The following FAM20C variants were observed in gnomAD, a reference collection of about 807,000 sequenced individuals.
FAM20C encodes extracellular serine/threonine protein kinase FAM20C.
In FAM20C, 40 loss-of-function variants were observed where a neutral mutation model predicts 51.5. The observed-to-expected ratio is 0.78, with a 90% CI of 0.60 to 1.01. FAM20C has a LOEUF of 1.01. Among genes scored for constraint, FAM20C ranks in the 50% least tolerant of loss-of-function variants. FAM20C has a pLI of 0.00. For synonymous variants in FAM20C, 406 were observed against 380.6 expected (o/e 1.07, Z -0.78); for missense variants, 861 against 844.7 (o/e 1.02, Z -0.24).
chr7:231,446 G>A (rs558262949), intron 3 of FAM20C, among the ~76,000 whole-genome samples: 11 of 150,716 alleles, frequency 7.3e-5, no homozygotes, highest in South Asian at 6.4e-4. Flanking sequence ...GGAGGGCCCC[G>A]TGGGAGGAGG....
In FAM20C at chr7:192,670, C is replaced by A. The variant is rs1256522897; in HGVS notation, c.-530C>A. Among the ~76,000 whole-genome samples the A allele has an allele frequency of 6.7e-6, 1 of 149,654 alleles. No individual in the cohort carries two copies. Among genetic ancestry groups the A allele is most frequent in the East Asian group, 2.0e-4 (1 of 5,124 alleles). ...GCGCCCACCCCTTCCGCCCTTCGCC[C>A]CCCCCTTCCCCCCAGCCCCGGTCTC... On this transcript the variant is annotated 5_prime_UTR_variant, in exon 1 of 10. Transcript: ENST00000313766.
rs372006536 is a variant in FAM20C at position 210,003 on chromosome 7, G to A, written c.863+1027G>A. Among the ~76,000 whole-genome samples the A allele has an allele frequency of 5.9e-4, 90 of 152,250 alleles. 2 individuals are homozygous for A. Among genetic ancestry groups the A allele is most frequent in the African/African-American group, 1.9e-3 (81 of 41,560 alleles). On this transcript the variant is annotated intron_variant, in intron 3 of 9. Transcript: ENST00000313766. ...GACCCACGAGTCCTGCCTCAGACCC[G>A]GGGCTGCCGGGAGCCGGTGGATGAG...
Position 251,268 on chromosome 7 carries a change from A to ACGGCTGCACTGAGTGGCCGGG in FAM20C, c.1072+2839_1072+2840insGGCTGCACTGAGTGGCCGGGC, listed in dbSNP as rs1562396189. Among the ~76,000 whole-genome samples, 172 of 78,542 alleles carry ACGGCTGCACTGAGTGGCCGGG rather than the reference A, an allele frequency of 2.2e-3. 10 individuals are homozygous for ACGGCTGCACTGAGTGGCCGGG. Among genetic ancestry groups the ACGGCTGCACTGAGTGGCCGGG allele is most frequent in the East Asian group, 3.3e-3 (9 of 2,742 alleles). The allele number at this position is 78,542 out of a possible 152,430, so 51.5% of individuals were successfully genotyped here. On this transcript the variant is annotated intron_variant, in intron 5 of 9. Transcript: ENST00000313766. ...ACTGAGTGGCCGGGCACGGTGGCTCACACGCCTGCAATCCCAGTACTGGGA... is the reference window on the plus strand; with the variant it reads ...ACTGAGTGGCCGGGCACGGTGGCTCACGGCTGCACTGAGTGGCCGGGCACGCCTGCAATCCCAGTACTGGGA...
At chr7:223,322 C>T (rs895366373) in intron 3 of FAM20C, among the ~76,000 whole-genome samples, 1 of 152,150 alleles carries the variant, frequency 6.6e-6, no homozygotes, top group Non-Finnish European at 1.5e-5. Context: ...CGGGTGGGTG[C>T]TGAGTCTTAG....
intron 3 of FAM20C, among the ~76,000 whole-genome samples, chr7:231,346 G>A (rs1787666945): frequency 6.6e-6 from 1 of 152,182 alleles, no homozygotes; most frequent in Non-Finnish European, 1.5e-5. Context: ...CGCATCAGTG[G>A]GGCCCCATGG....
intron 5 of FAM20C, among the ~76,000 whole-genome samples, chr7:249,867 C>G (rs542555645): frequency 6.6e-6 from 1 of 152,316 alleles, no homozygotes; most frequent in East Asian, 1.9e-4. Flanking sequence ...GCTCACCTGG[C>G]TGAGCTCTGG....
At chr7:245,410 G>A (rs1050671630) in intron 3 of FAM20C, among the ~76,000 whole-genome samples, 3 of 151,624 alleles carry the variant, frequency 2.0e-5, no homozygotes, top group Admixed American at 6.6e-5. Context: ...ATCCTGGGAC[G>A]GGCTCTCCTT....
At chr7:257,799 CTGGGTGG>C (rs1788651975) in intron 8 of FAM20C, among the ~76,000 whole-genome samples, 4 of 116,200 alleles carry the variant, frequency 3.4e-5, no homozygotes, top group Admixed American at 8.1e-5. Context: ...TGGAGATGGG[CTGGGTGG>C]ACCCACTGCC....
chr7:260,196 C>CT lies in FAM20C; in HGVS notation c.*217dup, dbSNP rs1788825503. The CT allele has an allele frequency of 1.6e-6, 1 of 623,288 alleles. No homozygotes were observed. Among genetic ancestry groups the CT allele is most frequent in the African/African-American group, 1.9e-5 (1 of 53,836 alleles). 38.6% of individuals were successfully genotyped at this position (623,288 alleles called of 1,614,324 possible). A position where few individuals can be genotyped will look rare whatever the true frequency, so the allele number is the denominator to read the frequency against. Reference sequence around the variant, plus strand: ...GCTTGGGAAGGAAGCGCTGTCTGTGCTCACGGACAGAGGCGGCCGGCGCCG... The same window carrying CT: ...GCTTGGGAAGGAAGCGCTGTCTGTGCTTCACGGACAGAGGCGGCCGGCGCCG... On this transcript the variant is annotated 3_prime_UTR_variant, in exon 10 of 10. Transcript: ENST00000313766.
intron 3 of FAM20C, among the ~76,000 whole-genome samples, chr7:227,240 A>G (rs1787483107): frequency 1.3e-5 from 2 of 151,796 alleles, no homozygotes; most frequent in East Asian, 3.9e-4. Flanking sequence ...TCTAATTGTC[A>G]CGAAAGGGAG....
intron 3 of FAM20C, among the ~76,000 whole-genome samples, chr7:224,378 A>G (rs377314611): frequency 0.08 from 674 of 8,468 alleles, 67 homozygotes; most frequent in East Asian, 0.13. Flanking sequence ...TCACGGGGTC[A>G]CATGGCGGCT....
intron 3 of FAM20C, among the ~76,000 whole-genome samples, chr7:211,536 C>G (rs1202264993): frequency 7.9e-5 from 12 of 151,982 alleles, no homozygotes; most frequent in Admixed American, 7.9e-4. Flanking sequence ...GGTCCTGCAG[C>G]GGGCAGAGGT....
chr7:243,072 C>T (rs1788005410), intron 3 of FAM20C, among the ~76,000 whole-genome samples: 1 of 136,950 alleles, frequency 7.3e-6, no homozygotes, highest in South Asian at 2.3e-4. Context: ...ACCCGGGAGA[C>T]CTGTGCCACC....
rs777009380 is a variant in FAM20C at position 195,701 on chromosome 7, C to T, written c.753C>T (p.His251=). 6.8e-6 allele frequency: 11 copies of T among 1,609,858 alleles called. No individual in the cohort carries two copies. Among genetic ancestry groups the T allele is most frequent in the South Asian group, 4.4e-5 (4 of 90,526 alleles). ...ACCCGGCCATCGAGGCCCTGCTGCA[C>T]GACCTCAGCTCCCAGAGGATCACCA... ...RHNPAIEALL[H]DLSSQRITSV... The change falls in exon 2 of 10, where the codon CAC becomes CAT. Residue 251 remains histidine (H), a synonymous_variant. Transcript: ENST00000313766.
chr7:193,664 C>T lies in FAM20C; in HGVS notation c.465C>T (p.Gly155=). The change falls in exon 1 of 10, where the codon GGC becomes GGT. Residue 155 remains glycine, a synonymous_variant. Transcript: ENST00000313766. The stretch of plus-strand genomic sequence containing the variant: ...GGTCCGAGTCGCCCCCCGGCCCCGG[C>T]GGAGACGCCTCCCTCCTGGCCAGGC... ...PRRSESPPGP[G]GDASLLARLF... 6.5e-7 allele frequency: 1 copy of T among 1,541,612 alleles called. No individual in the cohort carries two copies.
At chr7:257,807 ACC>A (rs1788653537) in intron 8 of FAM20C, among the ~76,000 whole-genome samples, 1 of 131,548 alleles carries the variant, frequency 7.6e-6, no homozygotes, top group African/African-American at 2.9e-5. Context: ...GGCTGGGTGG[ACC>A]CACTGCCCGG....
intron 2 of FAM20C, among the ~76,000 whole-genome samples, chr7:202,818 C>G (rs1786196187): frequency 1.3e-5 from 2 of 152,052 alleles, no homozygotes; most frequent in South Asian, 4.1e-4. Context: ...GGGAATGGGG[C>G]CCGTGGACAT....
chr7:228,051 C>T (rs1787511918), intron 3 of FAM20C: 1 of 200,978 alleles, frequency 5.0e-6, no homozygotes, highest in Non-Finnish European at 1.0e-5. Context: ...CTAGGGTTCA[C>T]CTGAATGGTT....
chr7:242,422 G>A (rs941709105), intron 3 of FAM20C, among the ~76,000 whole-genome samples: 2 of 150,470 alleles, frequency 1.3e-5, no homozygotes, highest in South Asian at 2.1e-4. Flanking sequence ...GGAGGCGGTG[G>A]CCAGGACAGT....
Sources: gnomAD v4.1 joint callset for allele counts (sites outside exome capture counted in the v4.1 genomes callset) on GRCh38, gnomAD v4.1.1 for gene constraint, MANE v1.5 for transcripts, NCBI Gene and HGNC (gene_info 2026-07-23, HGNC 2026-07-21) for gene names.